RC3H2: variants seen among roughly 807,000 people sequenced by gnomAD.
RC3H2 encodes ring finger and CCCH-type domains 2.
In RC3H2, 31 loss-of-function variants were observed where a neutral mutation model predicts 133.3. That is an observed-to-expected ratio of 0.23 (90% CI 0.17 to 0.31). The LOEUF (loss-of-function observed/expected upper bound fraction) is 0.31. Among genes scored for constraint, RC3H2 ranks in the 10% least tolerant of loss-of-function variants. The probability of loss-of-function intolerance (pLI) is 1.00; values close to 1 mark genes in which losing one functional copy is unlikely to be tolerated. For synonymous variants in RC3H2, 517 were observed against 502.2 expected (o/e 1.03, Z -0.40); for missense variants, 1,175 against 1,437.2 (o/e 0.82, Z 2.95).
chr9:122,853,378 TAAA>T (rs72033785), intron 18 of RC3H2, among the ~76,000 whole-genome samples: 2 of 83,712 alleles, frequency 2.4e-5, no homozygotes, highest in Non-Finnish European at 5.7e-5. Context: ...GAATGATCAA[TAAA>T]AAAAAAAAAA....
chr9:122,853,621 G>A (rs1830134360), intron 18 of RC3H2: 2 of 434,908 alleles, frequency 4.6e-6, no homozygotes, highest in East Asian at 4.8e-5. Context: ...GCATGGTGGT[G>A]GGTGCCTGTA....
intron 2 of RC3H2, among the ~76,000 whole-genome samples, chr9:122,896,794 G>A (rs1379963934): frequency 6.6e-6 from 1 of 151,948 alleles, no homozygotes; most frequent in Admixed American, 6.6e-5. Context: ...AGGCTGAGGT[G>A]GGCGGATCAC....
chr9:122,880,932 T>C, intron 5 of RC3H2, 138 bp from the exon 6 acceptor site: 1 of 637,398 alleles, frequency 1.6e-6, no homozygotes. Context: ...GATAAGATAA[T>C]GTCCTGACCA....
At chr9:122,892,841 T>C (rs1832244928) in intron 3 of RC3H2, 68 bp downstream of exon 3, 2 of 1,234,914 alleles carry the variant, frequency 1.6e-6, no homozygotes, top group African/African-American at 1.5e-5. Context: ...GGTATCCACA[T>C]CAAGTCATTC....
chr9:122,849,833 A>T lies in RC3H2; in HGVS notation c.3381-11T>A, dbSNP rs780220000. On this transcript the variant is annotated splice_polypyrimidine_tract_variant and intron_variant, in intron 20 of 20. Coordinates refer to ENST00000357244, the MANE Select transcript of RC3H2 (RefSeq NM_001100588.3). Reference sequence around the variant, plus strand: ...GTTTTTTGCTCCTCCCTGAGAAAAAAGAAATGACATTAAAAACAAATTAGC... The same window carrying T: ...GTTTTTTGCTCCTCCCTGAGAAAAATGAAATGACATTAAAAACAAATTAGC... The T allele has an allele frequency of 2.6e-6, 4 of 1,548,006 alleles. No homozygotes were observed. In the South Asian group the frequency reaches 4.9e-5, roughly 19 times the overall value.
At position 122,905,125 on chromosome 9, in the gene RC3H2, CG is replaced by C. The variant is rs1301532669; in HGVS notation, c.-84del. On this transcript the variant is annotated 5_prime_UTR_variant, in exon 1 of 21. Transcript: ENST00000357244. ...CCCGCCCTACCTGAGGGGGCCCGGG[CG>C]GGGTCGCTAAGGGCCGCTCCCGGGA... 9 of 985,254 alleles carry C rather than the reference CG, an allele frequency of 9.1e-6. No individual in the cohort carries two copies. Among genetic ancestry groups the C allele is most frequent in the Non-Finnish European group, 7.2e-6 (6 of 829,914 alleles). 61.0% of individuals were successfully genotyped at this position (985,254 alleles called of 1,614,324 possible).
intron 10 of RC3H2, among the ~76,000 whole-genome samples, chr9:122,862,504 G>A (rs1467638060): frequency 6.6e-6 from 1 of 152,088 alleles, no homozygotes; most frequent in Non-Finnish European, 1.5e-5. Flanking sequence ...CCTCTAAGAA[G>A]CCATCCACAA....
chr9:122,899,448 C>CA (rs1832570400), intron 1 of RC3H2, among the ~76,000 whole-genome samples: 1 of 152,210 alleles, frequency 6.6e-6, no homozygotes, highest in African/African-American at 2.4e-5. Context: ...AAATGAATTA[C>CA]AGGGCTTGCT....
In RC3H2 at chr9:122,849,767, C is replaced by A. The variant is rs1829950002; in HGVS notation, c.3436G>T (p.Val1146Leu). Reference protein sequence around the residue: ...VTSCFSQPLPVSISNASCLPI... With the variant: ...VTSCFSQPLPLSISNASCLPI... ...AGGCAACTTGCATTGCTAATAGACA[C>A]TGGGAGTGGCTGGCTAAAGCAAGAA... Residue 1146 changes from valine (V) to leucine (L), a missense_variant, in exon 21 of 21, where the codon GTG becomes TTG. By Grantham distance (32) the Val-to-Leu change is conservative (BLOSUM62 1). Coordinates refer to ENST00000357244, the MANE Select transcript of RC3H2 (RefSeq NM_001100588.3). 3 of 1,595,142 alleles carry A rather than the reference C, an allele frequency of 1.9e-6. No homozygotes were observed. The African/African-American group carries it at 4.1e-5, about 22-fold the overall frequency.
chr9:122,902,712 T>C (rs1449704502), intron 1 of RC3H2, among the ~76,000 whole-genome samples: 2 of 151,960 alleles, frequency 1.3e-5, no homozygotes, highest in African/African-American at 2.4e-5. Context: ...ATTAGCCTGG[T>C]GTAGTGGTGC....
At chr9:122,875,042 A>G (rs150423020) in intron 9 of RC3H2, 6 of 961,148 alleles carry the variant, frequency 6.2e-6, no homozygotes, top group East Asian at 2.9e-5. Context: ...CCTTTTAGCT[A>G]AAAAGCTCTA....
In RC3H2 at chr9:122,883,234, C is replaced by T. The variant is rs1307102112; in HGVS notation, c.729G>A (p.Val243=). The T allele has an allele frequency of 1.2e-6, 2 of 1,613,334 alleles. No homozygotes were observed. The highest frequency in any genetic ancestry group is 1.7e-5 in the Admixed American group (1 of 59,832). Residue 243 remains valine (V), a synonymous_variant, in exon 5 of 21, where the codon GTG becomes GTA. Coordinates refer to ENST00000357244, the MANE Select transcript of RC3H2 (RefSeq NM_001100588.3). ...AACAAGAAGCTCGATACAGTAGTTG[C>T]ACAACATGACCAATACTTGTTTTTG... ...QASKTSIGHV[V]QLLYRASCFK...
At chr9:122,851,038 T>C in intron 20 of RC3H2, 43 bp downstream of exon 20, 1 of 1,600,638 alleles carries the variant, frequency 6.2e-7, no homozygotes, top group Non-Finnish European at 8.5e-7. Context: ...CTCTTTATTA[T>C]GTCCTATGCC....
rs1362297402 is a variant in RC3H2 at position 122,879,910 on chromosome 9, G to A, written c.1094-37C>T. On this transcript the variant is annotated intron_variant, in intron 7 of 20. Coordinates refer to ENST00000357244, the MANE Select transcript of RC3H2 (RefSeq NM_001100588.3). ...CACCAAGGGCATGGGGGTTGGGGGG[G>A]AAGAATGTTAGCAGTAATTCTCTTG... 2.5e-6 allele frequency: 4 copies of A among 1,610,302 alleles called. No homozygotes were observed. The Admixed American group carries it at 6.7e-5, about 27-fold the overall frequency.
intron 10 of RC3H2, among the ~76,000 whole-genome samples, chr9:122,861,055 G>A (rs1192389235): frequency 6.6e-6 from 1 of 152,148 alleles, no homozygotes; most frequent in Non-Finnish European, 1.5e-5. Flanking sequence ...CTTGCTGGGT[G>A]AATGAAATGG....
At position 122,896,068 on chromosome 9, in the gene RC3H2, A is replaced by AG. The variant is rs1491083586; in HGVS notation, c.231+1210_231+1211insC. Among the ~76,000 whole-genome samples, 643 of 151,774 alleles carry AG rather than the reference A, an allele frequency of 4.2e-3. 3 individuals carry two copies. Among genetic ancestry groups the AG allele is most frequent in the African/African-American group, 0.015 (610 of 41,344 alleles). ...GGCTTCCGTGGGCCATACTGGAAGA[A>AG]TTGTCTTGGGCCACACATAAGATAC... On this transcript the variant is annotated intron_variant, in intron 2 of 20. Transcript: ENST00000357244.
At chr9:122,868,184 GCC>G (rs1365444066) in intron 9 of RC3H2, among the ~76,000 whole-genome samples, 7 of 151,050 alleles carry the variant, frequency 4.6e-5, no homozygotes, top group Admixed American at 3.3e-4. Context: ...CTGCCCGGCC[GCC>G]CCTACTGGGA....
intron 3 of RC3H2, among the ~76,000 whole-genome samples, chr9:122,892,288 T>A (rs1044842863): frequency 1.4e-4 from 22 of 152,154 alleles, no homozygotes; most frequent in Admixed American, 1.2e-3. Context: ...ATTTTTTGTA[T>A]TTTTAGTAGA....
At chr9:122,856,328 T>C (rs1296546225) in intron 13 of RC3H2, among the ~76,000 whole-genome samples, 1 of 152,218 alleles carries the variant, frequency 6.6e-6, no homozygotes, top group Non-Finnish European at 1.5e-5. Flanking sequence ...CACAGCTCAC[T>C]AGCAGCCTCG....
Sources: allele counts gnomAD v4.1 joint callset (sites outside exome capture counted in the v4.1 genomes callset), GRCh38; gene constraint gnomAD v4.1.1; transcripts MANE v1.5; gene names NCBI Gene and HGNC (gene_info 2026-07-23, HGNC 2026-07-21).